BPTF: variants seen among roughly 807,000 people sequenced by gnomAD.
BPTF encodes the protein bromodomain PHD finger transcription factor.
A neutral mutation model predicts 292.5 loss-of-function variants in BPTF; 18 were observed. That is an observed-to-expected ratio of 0.06 (90% CI 0.04 to 0.09). BPTF has a LOEUF of 0.09. Ranked by LOEUF, BPTF falls within the 10% of genes least tolerant of loss-of-function variation. The pLI is 1.00. For missense variants in BPTF, 2,726 were observed against 3,498.7 expected, an observed-to-expected ratio of 0.78 and a Z score of 5.57; for synonymous variants, 1,225 against 1,251.9, an observed-to-expected ratio of 0.98 and a Z score of 0.45.
rs60083535 is a variant in BPTF at position 67,925,992 on chromosome 17, C to CTTTTTT, written c.5751+1428_5751+1433dup. Among the ~76,000 whole-genome samples, 43 of 56,660 alleles carry CTTTTTT rather than the reference C, an allele frequency of 7.6e-4. 4 individuals are homozygous for CTTTTTT. Among genetic ancestry groups the CTTTTTT allele is most frequent in the Non-Finnish European group, 1.1e-3 (34 of 31,428 alleles). 37.2% of individuals were successfully genotyped at this position (56,660 alleles called of 152,430 possible). ...CTCTGCAATGTAACCTAACATATTACTTTTTTTTTTTTTTTTTTTTTTTTT... is the reference window on the plus strand; with the variant it reads ...CTCTGCAATGTAACCTAACATATTACTTTTTTTTTTTTTTTTTTTTTTTTTTTTTTT... On this transcript the variant is annotated intron_variant, in intron 15 of 27. Coordinates refer to ENST00000306378, the MANE Select transcript of BPTF (RefSeq NM_182641.4).
chr17:67,832,783 C>CTTTTTTT (rs60751133), intron 1 of BPTF, among the ~76,000 whole-genome samples: 1 of 101,640 alleles, frequency 9.8e-6, no homozygotes, highest in African/African-American at 4.2e-5. Context: ...TGATTCGCCT[C>CTTTTTTT]TTTTTTTTTT....
At chr17:67,828,563 TTGC>T (rs1342510853) in intron 1 of BPTF, among the ~76,000 whole-genome samples, 5 of 152,184 alleles carry the variant, frequency 3.3e-5, no homozygotes, top group Non-Finnish European at 7.4e-5. Flanking sequence ...AGTTTTGCTC[TTGC>T]TGCCCAGGCT....
chr17:67,941,731 GTCC>G (rs1315839073), intron 19 of BPTF, among the ~76,000 whole-genome samples: 8 of 152,286 alleles, frequency 5.3e-5, no homozygotes, highest in Admixed American at 2.6e-4. Flanking sequence ...GAGGATGAAA[GTCC>G]TAACTGTGAA....
chr17:67,945,399 CT>C lies in BPTF; in HGVS notation c.6701-5del. 1 of 1,599,104 alleles carries C rather than the reference CT, an allele frequency of 6.3e-7. No homozygotes were observed. On this transcript the variant is annotated splice_polypyrimidine_tract_variant and intron_variant, in intron 20 of 27. Transcript: ENST00000306378. ...GAGTAATAGAAATGGTTCATCTTTC[CT>C]TTTTACAGGTACAGGTGAACAAAGG...
At position 67,911,279 on chromosome 17, in the gene BPTF, A is replaced by C; in HGVS notation, c.3395A>C (p.Gln1132Pro). The change falls in exon 11 of 28, where the codon CAA (glutamine) becomes CCA (proline). Residue 1132 changes from glutamine (Q) to proline (P), a missense_variant. Physicochemically the swap from Gln to Pro is moderately conservative, Grantham distance 76 (BLOSUM62 -1). Coordinates refer to ENST00000306378, the MANE Select transcript of BPTF (RefSeq NM_182641.4). The stretch of plus-strand genomic sequence containing the variant: ...CAGAGCCCAAATGCAAATAATGATC[A>C]ACCTGAGGACTTGATTCAGGGATGT... ...QEQSPNANND[Q>P]PEDLIQGCSE... 6.2e-7 allele frequency: 1 copy of C among 1,614,148 alleles called. No individual in the cohort carries two copies. The highest frequency in any genetic ancestry group is 8.5e-7 in the Non-Finnish European group (1 of 1,180,026).
rs1235925715 is a variant in BPTF, at chr17:67,911,709, T to C, written c.3825T>C (p.Phe1275=). ...DATPLSRAMD[F]EGKLGCDSES... is the part of the protein sequence containing the mutation. The stretch of plus-strand genomic sequence containing the variant: ...CACCTCTGTCAAGAGCAATGGACTT[T>C]GAAGGAAAACTGGGATGTGACTCTG... The change falls in exon 11 of 28, where the codon TTT becomes TTC. Residue 1275 remains phenylalanine (F), a synonymous_variant. Transcript: ENST00000306378. The C allele has an allele frequency of 1.9e-6, 3 of 1,614,032 alleles. No homozygotes were observed. Among genetic ancestry groups the C allele is most frequent in the East Asian group, 4.5e-5 (2 of 44,894 alleles).
At chr17:67,826,668 T>C (rs1283814816) in intron 1 of BPTF, among the ~76,000 whole-genome samples, 1 of 148,030 alleles carries the variant, frequency 6.8e-6, no homozygotes, top group East Asian at 2.0e-4. Context: ...GGCAAACACA[T>C]ATCCATTGCA....
intron 4 of BPTF, among the ~76,000 whole-genome samples, chr17:67,885,509 G>C (rs1265557538): frequency 6.6e-6 from 1 of 152,184 alleles, no homozygotes; most frequent in Non-Finnish European, 1.5e-5. Context: ...AGAATCTCTT[G>C]AACCTGGGAG....
rs1427962624 is a variant in BPTF at position 67,866,148 on chromosome 17, A to G, written c.1437-316A>G. Among the ~76,000 whole-genome samples the G allele has an allele frequency of 2.0e-5, 3 of 152,186 alleles. No homozygotes were observed. The East Asian group carries it at 5.8e-4, about 29-fold the overall frequency. ...AAATAAATTTATTTTATTCTAAAAT[A>G]ATTCTAAATACATTCTTCTCATCAT... On this transcript the variant is annotated intron_variant, in intron 2 of 27. Coordinates refer to ENST00000306378, the MANE Select transcript of BPTF (RefSeq NM_182641.4).
chr17:67,943,079 T>C (rs1182128223), intron 19 of BPTF, among the ~76,000 whole-genome samples: 1 of 152,134 alleles, frequency 6.6e-6, no homozygotes, highest in Admixed American at 6.6e-5. Context: ...TACAGTGTTA[T>C]CATCAAAGTG....
chr17:67,924,481 A>C (rs2063708597), intron 14 of BPTF, 66 bp from the exon 15 acceptor site: 1 of 1,465,030 alleles, frequency 6.8e-7, no homozygotes, highest in Non-Finnish European at 9.4e-7. Flanking sequence ...ACCAGATTTC[A>C]CTCTTATTAG....
intron 7 of BPTF, among the ~76,000 whole-genome samples, chr17:67,900,405 A>T (rs764272237): frequency 1.3e-5 from 2 of 151,822 alleles, no homozygotes; most frequent in African/African-American, 2.4e-5. Context: ...GCGTTCAGCC[A>T]AATGTAACAA....
intron 23 of BPTF, among the ~76,000 whole-genome samples, chr17:67,952,040 G>C (rs575839796): frequency 1.7e-5 from 2 of 115,800 alleles, no homozygotes; most frequent in East Asian, 5.3e-4. Flanking sequence ...GGGCGACAGA[G>C]TGAGACTCTG....
At chr17:67,923,619 A>G (rs2063621131) in intron 14 of BPTF, among the ~76,000 whole-genome samples, 1 of 149,316 alleles carries the variant, frequency 6.7e-6, no homozygotes, top group African/African-American at 2.5e-5. Flanking sequence ...AGCTGGGATT[A>G]CGGGGGTGTG....
At chr17:67,927,298 A>ATGTG (rs1349677678) in intron 15 of BPTF, among the ~76,000 whole-genome samples, 1 of 152,228 alleles carries the variant, frequency 6.6e-6, no homozygotes, top group African/African-American at 2.4e-5. Context: ...GTTGTTTTAC[A>ATGTG]TGTGTGTGGT....
At chr17:67,832,698 C>T (rs896427905) in intron 1 of BPTF, among the ~76,000 whole-genome samples, 2 of 151,826 alleles carry the variant, frequency 1.3e-5, no homozygotes, top group African/African-American at 4.8e-5. Context: ...AAGCCCGCAC[C>T]GTCAGCATCA....
chr17:67,848,564 G>C lies in BPTF; in HGVS notation c.614-5376G>C, dbSNP rs150311049. ...ATTTCAGCAAAGTAAGGCAATTTCTGTCTAAAATATGTAGGCAAACTTTTT... is the reference window on the plus strand; with the variant it reads ...ATTTCAGCAAAGTAAGGCAATTTCTCTCTAAAATATGTAGGCAAACTTTTT... On this transcript the variant is annotated intron_variant, in intron 1 of 27. Transcript: ENST00000306378. Among the ~76,000 whole-genome samples the C allele has an allele frequency of 5.9e-4, 90 of 152,252 alleles. 1 individual carries two copies. The East Asian group carries it at 0.017, about 28-fold the overall frequency.
chr17:67,929,973 A>G (rs1005389911), intron 17 of BPTF, among the ~76,000 whole-genome samples: 1 of 152,088 alleles, frequency 6.6e-6, no homozygotes, highest in Non-Finnish European at 1.5e-5. Flanking sequence ...GAAATTAGCC[A>G]GGCGTGGTGG....
At chr17:67,897,068 C>T (rs2061495678) in intron 7 of BPTF, among the ~76,000 whole-genome samples, 1 of 151,966 alleles carries the variant, frequency 6.6e-6, no homozygotes, top group South Asian at 2.1e-4. Context: ...TGGCTCATGC[C>T]TGTAATCCCA....
Sources: gnomAD v4.1 joint callset for allele counts (sites outside exome capture counted in the v4.1 genomes callset) on GRCh38, gnomAD v4.1.1 for gene constraint, MANE v1.5 for transcripts, NCBI Gene and HGNC (gene_info 2026-07-23, HGNC 2026-07-21) for gene names.